The following GRM7 variants were observed in gnomAD, a reference collection of about 807,000 sequenced individuals.
GRM7 encodes metabotropic glutamate receptor 7.
A neutral mutation model predicts 84.5 loss-of-function variants in GRM7; 35 were observed. That is an observed-to-expected ratio of 0.41 (90% confidence interval 0.32 to 0.55). The LOEUF is 0.55. Among genes scored for constraint, GRM7 ranks in the 20% least tolerant of loss-of-function variants. The pLI is 0.19. For synonymous variants in GRM7, 487 were observed against 455.1 expected, an observed-to-expected ratio of 1.07 and a Z score of -0.89; for missense variants, 1,003 against 1,194.6, an observed-to-expected ratio of 0.84 and a Z score of 2.36.
At chr3:7,407,255 G>A (rs113063904) in intron 4 of GRM7, among the ~76,000 whole-genome samples, 1 of 152,180 alleles carries the variant, frequency 6.6e-6, no homozygotes, top group African/African-American at 2.4e-5. Context: ...TGTGGAAGCA[G>A]CCTGTGGCCT....
At chr3:7,465,134 G>A (rs948208194) in intron 7 of GRM7, among the ~76,000 whole-genome samples, 1 of 152,132 alleles carries the variant, frequency 6.6e-6, no homozygotes, top group Non-Finnish European at 1.5e-5. Flanking sequence ...TAAATCAGGG[G>A]TTTGTTCTTG....
intron 4 of GRM7, among the ~76,000 whole-genome samples, chr3:7,342,025 A>C (rs545104165): frequency 1.6e-4 from 25 of 152,274 alleles, no homozygotes; most frequent in Non-Finnish European, 3.4e-4. Context: ...TCTCCTAAAA[A>C]ATAAATATTC....
chr3:7,736,893 A>G (rs1046306832), intron 9 of GRM7, among the ~76,000 whole-genome samples: 1 of 152,222 alleles, frequency 6.6e-6, no homozygotes. Context: ...AACACATGGT[A>G]TATAGTTAAT....
At chr3:7,139,559 T>C (rs1189100687) in intron 1 of GRM7, among the ~76,000 whole-genome samples, 2 of 151,986 alleles carry the variant, frequency 1.3e-5, no homozygotes, top group Non-Finnish European at 2.9e-5. Context: ...AATTCATGCA[T>C]AGATCTTTTC....
chr3:7,719,136 G>A (rs1253330063), intron 9 of GRM7, among the ~76,000 whole-genome samples: 1 of 152,144 alleles, frequency 6.6e-6, no homozygotes, highest in African/African-American at 2.4e-5. Context: ...CTATTTGGAA[G>A]TACTTGTCAG....
chr3:7,015,486 A>G (rs1216872940), intron 1 of GRM7, among the ~76,000 whole-genome samples: 1 of 152,250 alleles, frequency 6.6e-6, no homozygotes, highest in Admixed American at 6.5e-5. Flanking sequence ...ATAACGCACT[A>G]GTCATCTCTT....
chr3:7,450,426 C>T (rs1697718075), intron 5 of GRM7, among the ~76,000 whole-genome samples: 1 of 152,150 alleles, frequency 6.6e-6, no homozygotes, highest in South Asian at 2.1e-4. Flanking sequence ...TCCTCCACTT[C>T]TCAAAATTCT....
At chr3:7,126,792 A>G (rs1693416574) in intron 1 of GRM7, among the ~76,000 whole-genome samples, 1 of 151,862 alleles carries the variant, frequency 6.6e-6, no homozygotes. Flanking sequence ...CACTTTGTTA[A>G]TCTCTTCATG....
At chr3:7,048,825 C>T (rs71298407) in intron 1 of GRM7, among the ~76,000 whole-genome samples, 2,152 of 151,962 alleles carry the variant, frequency 0.014, 53 homozygotes, top group Non-Finnish European at 0.015. Flanking sequence ...TGAACTTATT[C>T]TTCCTGTCTA....
chr3:6,910,479 T>G (rs967159445), intron 1 of GRM7, among the ~76,000 whole-genome samples: 4 of 152,112 alleles, frequency 2.6e-5, no homozygotes, highest in Non-Finnish European at 2.9e-5. Context: ...ACACAGGCAG[T>G]GTGCAAGGTT....
At chr3:7,368,844 C>T (rs141920792) in intron 4 of GRM7, among the ~76,000 whole-genome samples, 155 of 152,174 alleles carry the variant, frequency 1.0e-3, no homozygotes, top group Admixed American at 2.2e-3. Context: ...TCAAATTTAG[C>T]GCTTAGCACA....
At chr3:7,110,373 G>A (rs6782754) in intron 1 of GRM7, among the ~76,000 whole-genome samples, 8,357 of 151,998 alleles carry the variant, frequency 0.055, 480 homozygotes, top group African/African-American at 0.15. Context: ...GGCCAAGGTG[G>A]GTGTATCACT....
chr3:7,680,333 C>A (rs750210075), intron 9 of GRM7, 38 bp downstream of exon 9: 133 of 1,605,728 alleles, frequency 8.3e-5, no homozygotes, highest in Non-Finnish European at 1.0e-4. Flanking sequence ...TCCCACCCTG[C>A]ATCAGGAAGC....
intron 1 of GRM7, among the ~76,000 whole-genome samples, chr3:7,031,560 G>T (rs1163779963): frequency 6.6e-6 from 1 of 151,868 alleles, no homozygotes; most frequent in Non-Finnish European, 1.5e-5. Context: ...GGGACTACAG[G>T]CGCCCGCCAC....
At chr3:7,520,185 A>G (rs1452650088) in intron 7 of GRM7, 2 of 152,116 alleles carry the variant, frequency 1.3e-5, no homozygotes, top group African/African-American at 4.8e-5. Flanking sequence ...GAGGAGTGTC[A>G]CTCATATAAA....
chr3:7,612,636 G>A (rs1696895547), intron 8 of GRM7, among the ~76,000 whole-genome samples: 1 of 152,182 alleles, frequency 6.6e-6, no homozygotes, highest in South Asian at 2.1e-4. Flanking sequence ...TTGAGGTTCA[G>A]ACTTCTCCGC....
chr3:7,057,632 A>G (rs2124964607), intron 1 of GRM7, among the ~76,000 whole-genome samples: 1 of 152,114 alleles, frequency 6.6e-6, no homozygotes, highest in South Asian at 2.1e-4. Flanking sequence ...TGAAAGATCT[A>G]GAGTATATCT....
rs183131077 is a variant in GRM7, at chr3:7,035,166, A to C, written c.520-111286A>C. Among the ~76,000 whole-genome samples, 41 of 152,268 alleles carry C rather than the reference A, an allele frequency of 2.7e-4. No homozygotes were observed. In the East Asian group the frequency reaches 7.9e-3, roughly 29 times the overall value. On this transcript the variant is annotated intron_variant, in intron 1 of 9. Transcript: ENST00000357716. ...GGTAGGAAAGGGAGGGCTGCTTGTC[A>C]AATAATTTGACAAAATATTCTCTGT...
intron 2 of GRM7, among the ~76,000 whole-genome samples, chr3:7,273,085 G>C (rs1698925070): frequency 6.6e-6 from 1 of 151,926 alleles, no homozygotes; most frequent in Non-Finnish European, 1.5e-5. Flanking sequence ...AGTTTCTCCT[G>C]AGATTTCTCC....
Sources: allele counts gnomAD v4.1 joint callset (sites outside exome capture counted in the v4.1 genomes callset), GRCh38; gene constraint gnomAD v4.1.1; transcripts MANE v1.5; gene names NCBI Gene and HGNC (gene_info 2026-07-23, HGNC 2026-07-21).